The following OPCML variants were observed in gnomAD, a reference collection of about 807,000 sequenced individuals.
The protein encoded by OPCML is opioid-binding protein/cell adhesion molecule.
Under a neutral mutation model 37.8 loss-of-function variants are expected in OPCML, and 13 were observed. The ratio of observed to expected loss-of-function variants is 0.34; its 90% CI spans 0.22 to 0.55. The LOEUF (loss-of-function observed/expected upper bound fraction) is 0.55. OPCML is among the 20% of genes least tolerant of loss of function. OPCML has a pLI of 0.91. For synonymous variants in OPCML, 176 were observed against 168.8 expected, an observed-to-expected ratio of 1.04 and a Z score of -0.33; for missense variants, 341 against 435.6, an observed-to-expected ratio of 0.78 and a Z score of 1.93.
rs929986569 is a variant in OPCML, at chr11:132,718,571, T to C, written c.147-61252A>G. The stretch of plus-strand genomic sequence containing the variant: ...CCTAGGTCAGCCTGTTTCTTCTGTG[T>C]CCCTGCACAGCTCCTGCACAAGGCG... On this transcript the variant is annotated intron_variant, in intron 2 of 7. Transcript: ENST00000524381. 3.5e-4 allele frequency among the ~76,000 whole-genome samples: 53 copies of C among 152,098 alleles called. 1 individual carries two copies. The highest frequency in any genetic ancestry group is 7.4e-5 in the Non-Finnish European group (5 of 68,020).
chr11:132,673,020 T>TA (rs1279002878), intron 2 of OPCML, among the ~76,000 whole-genome samples: 6 of 151,676 alleles, frequency 4.0e-5, no homozygotes, highest in Middle Eastern at 3.4e-3. Context: ...TTGTCAAGCT[T>TA]AAAAAAAAAT....
chr11:132,486,993 G>T (rs1419281699), intron 4 of OPCML, among the ~76,000 whole-genome samples: 2 of 152,084 alleles, frequency 1.3e-5, no homozygotes, highest in African/African-American at 4.8e-5. Context: ...AATTATTAGT[G>T]GGTAGTTGAA....
At chr11:133,440,454 T>C (rs894030860) in intron 1 of OPCML, among the ~76,000 whole-genome samples, 7 of 149,338 alleles carry the variant, frequency 4.7e-5, no homozygotes, top group Non-Finnish European at 7.4e-5. Flanking sequence ...TGGCTGGGTG[T>C]GGTGGCTCAC....
chr11:132,862,403 C>T lies in OPCML; in HGVS notation c.146+80523G>A, dbSNP rs372651673. 1.1e-3 allele frequency among the ~76,000 whole-genome samples: 167 copies of T among 150,750 alleles called. 4 individuals are homozygous for T. The South Asian group carries it at 0.026, about 23-fold the overall frequency. On this transcript the variant is annotated intron_variant, in intron 2 of 7. Transcript: ENST00000524381. ...GGATTTCCTACCAATGAAAGTGGTA[C>T]GGCAATCCTTAAAGATTCACACAGG...
At chr11:133,492,545 A>G (rs1318296206) in intron 1 of OPCML, among the ~76,000 whole-genome samples, 3 of 152,086 alleles carry the variant, frequency 2.0e-5, no homozygotes, top group Non-Finnish European at 2.9e-5. Flanking sequence ...AAAGTAAGAC[A>G]TGGCCATATG....
chr11:132,614,396 G>A (rs1002673341), intron 3 of OPCML, among the ~76,000 whole-genome samples: 2 of 152,168 alleles, frequency 1.3e-5, no homozygotes, highest in Non-Finnish European at 2.9e-5. Context: ...AATAACCTTT[G>A]AGACTGAAGC....
rs79300832 is a variant in OPCML, at chr11:132,719,514, G to A, written c.147-62195C>T. Among the ~76,000 whole-genome samples the A allele has an allele frequency of 5.3e-5, 8 of 152,264 alleles. No individual in the cohort carries two copies. The East Asian group carries it at 1.6e-3, about 30-fold the overall frequency. ...ACAATGTGGTCGCAGGCAGGCCTCT[G>A]TGCTGCAACCACGAGCAGACCAGGA... On this transcript the variant is annotated intron_variant, in intron 2 of 7. Coordinates refer to ENST00000524381, the MANE Select transcript of OPCML (RefSeq NM_001012393.5).
At chr11:132,788,639 A>T (rs938696040) in intron 2 of OPCML, among the ~76,000 whole-genome samples, 1 of 152,210 alleles carries the variant, frequency 6.6e-6, no homozygotes, top group African/African-American at 2.4e-5. Flanking sequence ...AACACATTCT[A>T]TAGGACAGGC....
At chr11:133,458,754 T>TACACATAGATGCACGTGTGTGTATATAC (rs1946780238) in intron 1 of OPCML, among the ~76,000 whole-genome samples, 1 of 142,944 alleles carries the variant, frequency 7.0e-6, no homozygotes, top group African/African-American at 2.8e-5. Context: ...TGTGTATATA[T>TACACATAGATGCACGTGTGTGTATATAC]ACACATAGAT....
At chr11:133,405,216 C>T (rs1329552348) in intron 1 of OPCML, among the ~76,000 whole-genome samples, 1 of 152,172 alleles carries the variant, frequency 6.6e-6, no homozygotes, top group African/African-American at 2.4e-5. Flanking sequence ...CTAGGGAGAC[C>T]TGTGGGCGTT....
At chr11:133,119,497 C>T (rs1949388335) in intron 1 of OPCML, among the ~76,000 whole-genome samples, 1 of 152,016 alleles carries the variant, frequency 6.6e-6, no homozygotes, top group African/African-American at 2.4e-5. Flanking sequence ...TTACCAAGCG[C>T]TTCTTGGTAC....
At position 132,903,951 on chromosome 11, in the gene OPCML, G is replaced by C. The variant is rs1374157502; in HGVS notation, c.146+38975C>G. On this transcript the variant is annotated intron_variant, in intron 2 of 7. Coordinates refer to ENST00000524381, the MANE Select transcript of OPCML (RefSeq NM_001012393.5). ...CTTTGATAGATGGCATTCTCTATCT[G>C]AAATCAGAAATCAGCTATATGGCTT... Among the ~76,000 whole-genome samples, 4 of 152,328 alleles carry C rather than the reference G, an allele frequency of 2.6e-5. No individual in the cohort carries two copies. The South Asian group carries it at 8.3e-4, about 32-fold the overall frequency.
At chr11:132,709,270 C>A (rs1944163495) in intron 2 of OPCML, among the ~76,000 whole-genome samples, 1 of 151,964 alleles carries the variant, frequency 6.6e-6, no homozygotes, top group South Asian at 2.1e-4. Flanking sequence ...AAAAAAATGC[C>A]CAACTTTTTA....
At chr11:132,954,067 T>C (rs1435643388) in intron 1 of OPCML, among the ~76,000 whole-genome samples, 1 of 152,240 alleles carries the variant, frequency 6.6e-6, no homozygotes, top group Non-Finnish European at 1.5e-5. Context: ...ACTTTTTTTA[T>C]ATTGTTCATT....
At chr11:133,151,820 A>G (rs1444348186) in intron 1 of OPCML, among the ~76,000 whole-genome samples, 1 of 152,112 alleles carries the variant, frequency 6.6e-6, no homozygotes, top group African/African-American at 2.4e-5. Context: ...GATTTCAGCA[A>G]AAATCTCAAC....
chr11:132,664,308 T>G (rs903132858), intron 2 of OPCML, among the ~76,000 whole-genome samples: 4 of 152,160 alleles, frequency 2.6e-5, no homozygotes, highest in Non-Finnish European at 5.9e-5. Flanking sequence ...ATCTTGTCTC[T>G]CTTCCCATCC....
intron 7 of OPCML, among the ~76,000 whole-genome samples, chr11:132,422,922 T>C (rs2095964945): frequency 6.6e-6 from 1 of 152,236 alleles, no homozygotes; most frequent in African/African-American, 2.4e-5. Flanking sequence ...TGCTGCACCC[T>C]AGCTGAGTGA....
chr11:133,235,636 T>C (rs764049694), intron 1 of OPCML, among the ~76,000 whole-genome samples: 2 of 152,196 alleles, frequency 1.3e-5, no homozygotes, highest in Non-Finnish European at 2.9e-5. Flanking sequence ...GAGGTAAAGC[T>C]GTTAGGAAAC....
intron 1 of OPCML, among the ~76,000 whole-genome samples, chr11:133,331,443 A>G (rs1324542896): frequency 6.6e-6 from 1 of 152,152 alleles, no homozygotes; most frequent in East Asian, 1.9e-4. Flanking sequence ...GGCTTTAGTT[A>G]CAGCCTTTAC....
Sources: gnomAD v4.1 joint callset for allele counts (sites outside exome capture counted in the v4.1 genomes callset) on GRCh38, gnomAD v4.1.1 for gene constraint, MANE v1.5 for transcripts, NCBI Gene and HGNC (gene_info 2026-07-23, HGNC 2026-07-21) for gene names.